EPB41L1: variants seen among roughly 807,000 people sequenced by gnomAD.
EPB41L1 encodes band 4.1-like protein 1.
A neutral mutation model predicts 97.8 loss-of-function variants in EPB41L1; 29 were observed. That is an observed-to-expected ratio of 0.30 (90% CI 0.22 to 0.40). The LOEUF is 0.40. EPB41L1 is among the 10% of genes least tolerant of loss of function. EPB41L1 has a pLI of 1.00. For synonymous variants in EPB41L1, 383 were observed against 459.2 expected, an observed-to-expected ratio of 0.83 and a Z score of 2.12; for missense variants, 812 against 1,162.3, an observed-to-expected ratio of 0.70 and a Z score of 4.38.
upstream of EPB41L1, chr20:36,150,837 A>G (rs2060023158): frequency 6.6e-6 from 1 of 152,212 alleles, no homozygotes; most frequent in South Asian, 2.1e-4. Flanking sequence ...GCTGTATTCA[A>G]TTCCTCCAGC....
intron 14 of EPB41L1, among the ~76,000 whole-genome samples, chr20:36,205,161 G>A (rs371007932): frequency 2.6e-5 from 4 of 152,312 alleles, no homozygotes; most frequent in Non-Finnish European, 4.4e-5. Context: ...TGACTACTAT[G>A]CTTTCTTCCC....
intron 7 of EPB41L1, among the ~76,000 whole-genome samples, chr20:36,187,001 GT>G (rs990511599): frequency 1.5e-4 from 23 of 152,118 alleles, no homozygotes; most frequent in African/African-American, 5.6e-4. Flanking sequence ...CTCTGTGCCG[GT>G]TTTTTCATCT....
intron 2 of EPB41L1, among the ~76,000 whole-genome samples, chr20:36,122,968 T>C (rs974395888): frequency 2.6e-5 from 4 of 151,970 alleles, no homozygotes; most frequent in Non-Finnish European, 5.9e-5. Flanking sequence ...TTCCTGGAGA[T>C]GTCGATAGGA....
chr20:36,163,129 GTT>G (rs11347137), intron 1 of EPB41L1, among the ~76,000 whole-genome samples: 120 of 141,000 alleles, frequency 8.5e-4, no homozygotes, highest in East Asian at 8.0e-3. Flanking sequence ...CACTCTTTCT[GTT>G]TTTTTTTTTT....
intron 1 of EPB41L1, among the ~76,000 whole-genome samples, chr20:36,099,890 G>A (rs1178566625): frequency 6.6e-6 from 1 of 152,228 alleles, no homozygotes; most frequent in Non-Finnish European, 1.5e-5. Flanking sequence ...ATGTTCCAGA[G>A]GTGAGGATGC....
rs2064521514 is a variant in EPB41L1 at position 36,232,270 on chromosome 20, C to T, written c.*2930C>T. On this transcript the variant is annotated 3_prime_UTR_variant, in exon 22 of 22. Transcript: ENST00000338074. The stretch of plus-strand genomic sequence containing the variant: ...TCATCCTCTCTGTGCCACCTCTCCA[C>T]CCAGGAGGCCATGTAGCATAGTGGA... 2 of 241,576 alleles carry T rather than the reference C, an allele frequency of 8.3e-6. No individual in the cohort carries two copies. The highest frequency in any genetic ancestry group is 1.6e-5 in the Non-Finnish European group (2 of 127,300). The allele number at this position is 241,576 out of a possible 1,614,324, so 15.0% of individuals were successfully genotyped here. A position where few individuals can be genotyped will look rare whatever the true frequency, so the allele number is the denominator to read the frequency against.
In EPB41L1 at chr20:36,209,795, G is replaced by C; in HGVS notation, c.1976G>C (p.Arg659Pro). 1 of 1,613,914 alleles carries C rather than the reference G, an allele frequency of 6.2e-7. No homozygotes were observed. The highest frequency in any genetic ancestry group is 8.5e-7 in the Non-Finnish European group (1 of 1,179,986). Residue 659 changes from arginine (R) to proline (P), a missense_variant, in exon 15 of 22, where the codon CGG (arginine) becomes CCG (proline). Physicochemically the swap from Arg to Pro is moderately radical, Grantham distance 103. This residue lies in a region of EPB41L1 where 498 missense variants were observed against 622.7 expected (regional missense o/e 0.80). Transcript: ENST00000338074. The surrounding 1 kb of genome is among the most constrained non-coding windows in gnomAD (Gnocchi z 4.2). ...DSDTEGLLFS[R>P]DLNKGAPSQD... is the part of the protein sequence containing the mutation. ...GACACTGAGGGCCTGCTGTTCTCCC[G>C]GGATCTCAACAAGGGGGCCCCCAGC...
intron 1 of EPB41L1, among the ~76,000 whole-genome samples, chr20:36,111,375 A>G (rs573635116): frequency 6.6e-5 from 10 of 152,274 alleles, no homozygotes; most frequent in African/African-American, 2.2e-4. Flanking sequence ...TCTCCCTCCA[A>G]GTCTCCTGCC....
chr20:36,130,464 GTGTCGTTAC>G (rs1279338741), intron 2 of EPB41L1, among the ~76,000 whole-genome samples: 2 of 152,080 alleles, frequency 1.3e-5, no homozygotes, highest in Non-Finnish European at 2.9e-5. Context: ...GCTGCCTTCC[GTGTCGTTAC>G]TGAGGATTCT....
chr20:36,228,490 C>T (rs2064313565), intron 21 of EPB41L1, among the ~76,000 whole-genome samples: 1 of 152,174 alleles, frequency 6.6e-6, no homozygotes, highest in South Asian at 2.1e-4. Context: ...CACTTGCAGC[C>T]AGGAATTCAA....
intron 9 of EPB41L1, 142 bp downstream of exon 9, chr20:36,188,641 C>CACACACACACAGAG (rs1170858082): frequency 8.8e-5 from 24 of 273,810 alleles, no homozygotes; most frequent in East Asian, 3.7e-4. Context: ...CACACACACA[C>CACACACACACAGAG]AGAGAGAGAG....
intron 1 of EPB41L1, chr20:36,155,576 A>G: frequency 4.4e-6 from 2 of 456,464 alleles, no homozygotes; most frequent in Non-Finnish European, 8.8e-6. Flanking sequence ...GCCAATGTCT[A>G]CAGCCATTGG....
chr20:36,155,119 G>A (rs1471765379), intron 1 of EPB41L1: 1 of 485,468 alleles, frequency 2.1e-6, no homozygotes, highest in Non-Finnish European at 3.9e-6. Flanking sequence ...GGGGTTGGCG[G>A]GGGGTTGGTC....
chr20:36,198,510 G>A (rs1600894681), intron 14 of EPB41L1, among the ~76,000 whole-genome samples: 1 of 152,334 alleles, frequency 6.6e-6, no homozygotes, highest in East Asian at 1.9e-4. Flanking sequence ...GGATCGGGGA[G>A]TGGTCCCTCC....
intron 1 of EPB41L1, among the ~76,000 whole-genome samples, chr20:36,166,661 C>T (rs2060750222): frequency 1.3e-5 from 2 of 151,988 alleles, no homozygotes; most frequent in Non-Finnish European, 2.9e-5. Flanking sequence ...CCAAGGCGAG[C>T]AGATTGGCTG....
At chr20:36,125,728 G>A (rs1266331164) in intron 2 of EPB41L1, among the ~76,000 whole-genome samples, 1 of 152,146 alleles carries the variant, frequency 6.6e-6, no homozygotes, top group Non-Finnish European at 1.5e-5. Context: ...TATCTGGAGA[G>A]CGATGAAGAC....
chr20:36,228,687 T>C (rs746609343), intron 21 of EPB41L1, among the ~76,000 whole-genome samples: 20 of 152,210 alleles, frequency 1.3e-4, no homozygotes, highest in Non-Finnish European at 1.5e-4. Flanking sequence ...AGCCTGCTCC[T>C]TTAAACACTG....
intron 3 of EPB41L1, among the ~76,000 whole-genome samples, chr20:36,176,279 G>A (rs2061225980): frequency 6.6e-6 from 1 of 152,200 alleles, no homozygotes; most frequent in Admixed American, 6.5e-5. Context: ...CCATGGTGGT[G>A]ACACAGCAGA....
intron 17 of EPB41L1, among the ~76,000 whole-genome samples, chr20:36,215,017 C>T (rs2063358385): frequency 6.6e-6 from 1 of 150,708 alleles, no homozygotes; most frequent in Non-Finnish European, 1.5e-5. Flanking sequence ...TGGCAATAAT[C>T]CCCATTCTGC....
Sources: gnomAD v4.1 joint callset for allele counts (sites outside exome capture counted in the v4.1 genomes callset) on GRCh38, gnomAD v4.1.1 for gene constraint, gnomAD v4.1.1 regional missense constraint, Gnocchi (gnomAD v3.1) non-coding constraint, MANE v1.5 for transcripts, NCBI Gene and HGNC (gene_info 2026-07-23, HGNC 2026-07-21) for gene names.